NDST4: variants seen among roughly 807,000 people sequenced by gnomAD.
NDST4 encodes the protein N-deacetylase and N-sulfotransferase 4, also known as N-heparan sulfate sulfotransferase 4.
Under a neutral mutation model 100.8 loss-of-function variants are expected in NDST4, and 63 were observed. The ratio of observed to expected loss-of-function variants is 0.62; its 90% CI spans 0.51 to 0.77. The LOEUF (loss-of-function observed/expected upper bound fraction) is 0.77, where lower values mean the gene tolerates loss of function less well. NDST4 is among the 30% of genes least tolerant of loss of function. NDST4 has a pLI of 0.00. For missense variants in NDST4, 943 were observed against 1,018.4 expected (o/e 0.93, Z 1.01); for synonymous variants, 377 against 361.8 (o/e 1.04, Z -0.48).
chr4:114,968,378 T>G (rs960473169), intron 4 of NDST4, among the ~76,000 whole-genome samples: 4 of 152,208 alleles, frequency 2.6e-5, no homozygotes, highest in Non-Finnish European at 4.4e-5. Flanking sequence ...TATGTCCCAC[T>G]GGGTGAAGAT....
rs145946355 is a variant in NDST4 at position 114,975,418 on chromosome 4, A to C, written c.1066+1769T>G. Reference sequence around the variant, plus strand: ...TTGTTTTTGTTATACTGGTTTCAACACAAAGAGTCAATAATGCCTGCTTAA... The same window carrying C: ...TTGTTTTTGTTATACTGGTTTCAACCCAAAGAGTCAATAATGCCTGCTTAA... On this transcript the variant is annotated intron_variant, in intron 3 of 13. Transcript: ENST00000264363. 3.2e-3 allele frequency among the ~76,000 whole-genome samples: 484 copies of C among 152,266 alleles called. 3 individuals are homozygous for C. Among genetic ancestry groups the C allele is most frequent in the Non-Finnish European group, 3.9e-3 (267 of 67,988 alleles).
At chr4:114,890,173 G>C (rs543637856) in intron 6 of NDST4, among the ~76,000 whole-genome samples, 15 of 152,058 alleles carry the variant, frequency 9.9e-5, no homozygotes, top group Middle Eastern at 3.4e-3. Context: ...ATTTTGAGTA[G>C]TTAACAATGG....
intron 2 of NDST4, among the ~76,000 whole-genome samples, chr4:115,067,729 C>T (rs575994172): frequency 6.7e-6 from 1 of 148,202 alleles, no homozygotes; most frequent in Non-Finnish European, 1.5e-5. Context: ...TTATCATTTT[C>T]TTTTTTTTTT....
At chr4:114,990,598 C>T (rs1256261066) in intron 2 of NDST4, among the ~76,000 whole-genome samples, 1 of 152,070 alleles carries the variant, frequency 6.6e-6, no homozygotes, top group Non-Finnish European at 1.5e-5. Context: ...ACATTAATCA[C>T]TAGAATTACG....
At chr4:114,916,217 G>A (rs1373217743) in intron 6 of NDST4, among the ~76,000 whole-genome samples, 1 of 152,108 alleles carries the variant, frequency 6.6e-6, no homozygotes, top group Non-Finnish European at 1.5e-5. Flanking sequence ...CAATGGAATA[G>A]CTTGAATATT....
chr4:114,868,258 T>C (rs1029178359), intron 7 of NDST4, among the ~76,000 whole-genome samples: 2 of 152,178 alleles, frequency 1.3e-5, no homozygotes, highest in South Asian at 4.1e-4. Flanking sequence ...TGTTTATCTA[T>C]TCTAACTCTC....
chr4:114,958,778 G>C (rs551107939), intron 4 of NDST4, among the ~76,000 whole-genome samples: 5 of 152,116 alleles, frequency 3.3e-5, no homozygotes, highest in Non-Finnish European at 7.4e-5. Flanking sequence ...CACCCAGCTT[G>C]AATTTCTGTT....
chr4:114,830,431 T>C (rs187076710), intron 12 of NDST4, among the ~76,000 whole-genome samples: 96 of 152,282 alleles, frequency 6.3e-4, no homozygotes, highest in African/African-American at 2.3e-3. Context: ...AAAAAACAAA[T>C]TAGAAGTGTA....
chr4:115,054,896 G>A (rs1174323190), intron 2 of NDST4, among the ~76,000 whole-genome samples: 1 of 152,036 alleles, frequency 6.6e-6, no homozygotes, highest in African/African-American at 2.4e-5. Context: ...CTTATTTGAG[G>A]GTTCCTCCAC....
intron 2 of NDST4, among the ~76,000 whole-genome samples, chr4:115,068,752 C>CTTGCA (rs1462098614): frequency 6.7e-6 from 1 of 148,198 alleles, no homozygotes; most frequent in Admixed American, 6.8e-5. Context: ...GGAGGTGGAG[C>CTTGCA]TTGCAGTGAG....
At chr4:114,862,949 G>A (rs933913172) in intron 7 of NDST4, among the ~76,000 whole-genome samples, 4 of 152,042 alleles carry the variant, frequency 2.6e-5, no homozygotes, top group African/African-American at 9.7e-5. Flanking sequence ...TTTTGTAACT[G>A]CAATCCTTTT....
chr4:114,849,339 G>A (rs1723623421), intron 8 of NDST4, among the ~76,000 whole-genome samples: 1 of 152,190 alleles, frequency 6.6e-6, no homozygotes, highest in African/African-American at 2.4e-5. Flanking sequence ...GTGATACATT[G>A]GAGTGAGCAG....
At position 115,061,770 on chromosome 4, in the gene NDST4, C is replaced by A. The variant is rs563817345; in HGVS notation, c.978+14289G>T. Among the ~76,000 whole-genome samples the A allele has an allele frequency of 3.0e-4, 45 of 152,010 alleles. No homozygotes were observed. The Middle Eastern group carries it at 0.014, about 46-fold the overall frequency. ...AAACCTGTACATTCTGCACATGTAT[C>A]CCAGAACTTAAAGTATAATTTTAAA... is the stretch of plus-strand genomic sequence containing the variant. On this transcript the variant is annotated intron_variant, in intron 2 of 13. Coordinates refer to ENST00000264363, the MANE Select transcript of NDST4 (RefSeq NM_022569.3).
At chr4:114,891,915 T>G (rs1724607760) in intron 6 of NDST4, among the ~76,000 whole-genome samples, 1 of 152,160 alleles carries the variant, frequency 6.6e-6, no homozygotes, top group African/African-American at 2.4e-5. Flanking sequence ...TGCTCTTGTC[T>G]GTGTGATCAC....
intron 2 of NDST4, among the ~76,000 whole-genome samples, chr4:114,993,985 C>T (rs921133444): frequency 6.6e-6 from 1 of 151,896 alleles, no homozygotes; most frequent in Non-Finnish European, 1.5e-5. Flanking sequence ...AGACATTTGG[C>T]CCAGACATTG....
At chr4:114,933,048 A>G (rs889374633) in intron 6 of NDST4, among the ~76,000 whole-genome samples, 3 of 152,180 alleles carry the variant, frequency 2.0e-5, no homozygotes, top group Admixed American at 6.5e-5. Context: ...AGCTGGAGAC[A>G]TCATGTTATC....
chr4:114,859,553 C>A (rs1035535518), intron 7 of NDST4, among the ~76,000 whole-genome samples: 12 of 152,134 alleles, frequency 7.9e-5, no homozygotes, highest in African/African-American at 2.9e-4. Flanking sequence ...CAGACTAGAG[C>A]AAACCCTCCA....
At chr4:114,980,192 AC>A (rs1240502050) in intron 2 of NDST4, among the ~76,000 whole-genome samples, 1 of 152,196 alleles carries the variant, frequency 6.6e-6, no homozygotes, top group Non-Finnish European at 1.5e-5. Flanking sequence ...TTCTTTTAAA[AC>A]CCTTCAATTT....
At chr4:115,083,615 G>A (rs1729345609) in intron 1 of NDST4, among the ~76,000 whole-genome samples, 2 of 152,124 alleles carry the variant, frequency 1.3e-5, no homozygotes, top group South Asian at 4.1e-4. Flanking sequence ...ATCTCATCTT[G>A]AATTACAGTT....
Sources: allele counts gnomAD v4.1 joint callset (sites outside exome capture counted in the v4.1 genomes callset), GRCh38; gene constraint gnomAD v4.1.1; transcripts MANE v1.5; gene names NCBI Gene and HGNC (gene_info 2026-07-23, HGNC 2026-07-21).